The following THSD7B variants were observed in gnomAD, a reference collection of about 807,000 sequenced individuals.
THSD7B encodes thrombospondin type 1 domain containing 7B.
A neutral mutation model predicts 213.6 loss-of-function variants in THSD7B; 138 were observed. That is an observed-to-expected ratio of 0.65 (90% CI 0.56 to 0.74). The LOEUF is 0.74. Ranked by LOEUF, THSD7B falls within the 30% of genes least tolerant of loss-of-function variation. The pLI is 0.00. For missense variants in THSD7B, 1,931 were observed against 1,991.5 expected, an observed-to-expected ratio of 0.97 and a Z score of 0.58; for synonymous variants, 742 against 687.0, an observed-to-expected ratio of 1.08 and a Z score of -1.25.
intron 7 of THSD7B, among the ~76,000 whole-genome samples, chr2:137,209,793 G>A (rs776839348): frequency 4.6e-5 from 7 of 152,066 alleles, no homozygotes; most frequent in Non-Finnish European, 7.4e-5. Context: ...TATGTTATGG[G>A]CTGAATTGTG....
At chr2:137,369,219 G>T (rs977234357) in intron 12 of THSD7B, among the ~76,000 whole-genome samples, 4 of 151,818 alleles carry the variant, frequency 2.6e-5, no homozygotes, top group Non-Finnish European at 5.9e-5. Flanking sequence ...TCCTCACAAG[G>T]TTACAGTTTT....
intron 3 of THSD7B, among the ~76,000 whole-genome samples, chr2:137,072,088 A>G (rs1018994652): frequency 2.6e-5 from 4 of 152,096 alleles, no homozygotes; most frequent in Non-Finnish European, 4.4e-5. Context: ...TTGGCGATGC[A>G]GGCTCTTTTT....
chr2:137,241,290 G>A (rs922206283), intron 9 of THSD7B, among the ~76,000 whole-genome samples: 9 of 152,150 alleles, frequency 5.9e-5, no homozygotes, highest in South Asian at 2.1e-4. Flanking sequence ...AATGTATAGC[G>A]TAAAGTGCTT....
At position 137,276,021 on chromosome 2, in the gene THSD7B, C is replaced by T; in HGVS notation, c.2495C>T (p.Thr832Ile). Reference protein sequence around the residue: ...SSEACGKGLQTRAVSCISDDN... With the variant: ...SSEACGKGLQIRAVSCISDDN... ...GAAGCCTGTGGAAAGGGGTTACAAA[C>T]AAGAGGTATGATGATTTTTACATAG... The change falls in exon 12 of 28, where the codon ACA becomes ATA. Residue 832 changes from threonine (T) to isoleucine (I), a missense_variant. Physicochemically the swap from Thr to Ile is moderately conservative, Grantham distance 89. Coordinates refer to ENST00000409968, the MANE Select transcript of THSD7B (RefSeq NM_001316349.2). 1 of 1,609,504 alleles carries T rather than the reference C, an allele frequency of 6.2e-7. No individual in the cohort carries two copies. The highest frequency in any genetic ancestry group is 1.3e-5 in the African/African-American group (1 of 74,782).
At chr2:137,002,159 T>G (rs1686011918) in intron 2 of THSD7B, among the ~76,000 whole-genome samples, 1 of 152,172 alleles carries the variant, frequency 6.6e-6, no homozygotes, top group African/African-American at 2.4e-5. Context: ...TTTTACAGTT[T>G]GTCAATAACC....
intron 5 of THSD7B, among the ~76,000 whole-genome samples, chr2:137,138,207 AT>A (rs749191801): frequency 6.6e-6 from 1 of 152,224 alleles, no homozygotes; most frequent in South Asian, 2.1e-4. Context: ...AATATGAAGG[AT>A]TTTTTTGTGA....
chr2:137,260,472 G>T (rs1014132014), intron 10 of THSD7B, among the ~76,000 whole-genome samples: 2 of 152,094 alleles, frequency 1.3e-5, no homozygotes, highest in African/African-American at 4.8e-5. Context: ...TCTTAAAAAG[G>T]TAAAAATTGT....
intron 1 of THSD7B, among the ~76,000 whole-genome samples, chr2:136,865,331 T>C (rs755695971): frequency 1.3e-5 from 2 of 152,232 alleles, no homozygotes; most frequent in Non-Finnish European, 2.9e-5. Context: ...ATACTTTAGC[T>C]ATAATTACCA....
intron 7 of THSD7B, among the ~76,000 whole-genome samples, chr2:137,211,352 A>ACACACACACAGAGGCACACACACACACC (rs1553479504): frequency 9.2e-5 from 12 of 131,070 alleles, no homozygotes; most frequent in Non-Finnish European, 1.6e-4. Context: ...ACACACACAC[A>ACACACACACAGAGGCACACACACACACC]CACACACACA....
At chr2:137,321,666 G>T (rs1243184794) in intron 12 of THSD7B, among the ~76,000 whole-genome samples, 2 of 152,194 alleles carry the variant, frequency 1.3e-5, no homozygotes, top group Non-Finnish European at 2.9e-5. Flanking sequence ...CTTCTGGACT[G>T]AAATATATGC....
intron 2 of THSD7B, among the ~76,000 whole-genome samples, chr2:136,991,645 A>C (rs1287996626): frequency 1.3e-5 from 2 of 152,122 alleles, no homozygotes; most frequent in Non-Finnish European, 1.5e-5. Flanking sequence ...GTAGTGCATC[A>C]GTTTGTTTGT....
intron 16 of THSD7B, among the ~76,000 whole-genome samples, chr2:137,569,025 T>C (rs1027126702): frequency 6.6e-6 from 1 of 152,264 alleles, no homozygotes; most frequent in South Asian, 2.1e-4. Context: ...TCTTAGATTG[T>C]CCAGTGGGAA....
chr2:137,112,795 T>TGTGTG (rs1558925257), intron 4 of THSD7B, among the ~76,000 whole-genome samples: 89 of 101,778 alleles, frequency 8.7e-4, no homozygotes, highest in African/African-American at 2.5e-3. Flanking sequence ...GTGTGTGTGT[T>TGTGTG]TTCCACATCA....
At chr2:137,100,710 C>G (rs143315887) in intron 4 of THSD7B, among the ~76,000 whole-genome samples, 157 of 152,160 alleles carry the variant, frequency 1.0e-3, no homozygotes, top group African/African-American at 3.6e-3. Context: ...ATACACTCGG[C>G]ACTTTATTCC....
At chr2:136,795,452 T>A (rs1682043856) in intron 1 of THSD7B, among the ~76,000 whole-genome samples, 1 of 151,976 alleles carries the variant, frequency 6.6e-6, no homozygotes, top group South Asian at 2.1e-4. Context: ...TGTTTTAAGA[T>A]CCTTAGCTTA....
chr2:137,346,230 T>C (rs958097933), intron 12 of THSD7B, among the ~76,000 whole-genome samples: 16 of 151,732 alleles, frequency 1.1e-4, no homozygotes, highest in African/African-American at 3.1e-4. Flanking sequence ...CTCTAGCCAC[T>C]GAAACGTTAT....
chr2:137,118,770 T>C (rs1349270658), intron 5 of THSD7B, among the ~76,000 whole-genome samples: 1 of 152,106 alleles, frequency 6.6e-6, no homozygotes, highest in East Asian at 1.9e-4. Context: ...TCCGTGCCGC[T>C]GATAAAGGCA....
At chr2:137,582,774 C>A (rs929336671) in intron 17 of THSD7B, among the ~76,000 whole-genome samples, 2 of 152,048 alleles carry the variant, frequency 1.3e-5, no homozygotes, top group Admixed American at 6.6e-5. Flanking sequence ...AGTCTTTGCT[C>A]TTGTGAATAC....
intron 15 of THSD7B, among the ~76,000 whole-genome samples, chr2:137,452,974 T>C (rs932252080): frequency 1.3e-5 from 2 of 152,320 alleles, no homozygotes; most frequent in Admixed American, 1.3e-4. Flanking sequence ...AGGGTATTTC[T>C]AACTTTTGAG....
Sources: allele counts gnomAD v4.1 joint callset (sites outside exome capture counted in the v4.1 genomes callset), GRCh38; gene constraint gnomAD v4.1.1; transcripts MANE v1.5; gene names NCBI Gene and HGNC (gene_info 2026-07-23, HGNC 2026-07-21).